DACH1: variants seen among roughly 807,000 people sequenced by gnomAD.
DACH1 encodes dachshund family transcription factor 1.
Under a neutral mutation model 54.2 loss-of-function variants are expected in DACH1, and 12 were observed. That is an observed-to-expected ratio of 0.22 (90% confidence interval 0.14 to 0.36). The LOEUF is 0.36. Among genes scored for constraint, DACH1 ranks in the 10% least tolerant of loss-of-function variants. DACH1 has a pLI of 1.00. For missense variants in DACH1, 805 were observed against 929.8 expected, an observed-to-expected ratio of 0.87 and a Z score of 1.75; for synonymous variants, 386 against 366.2, an observed-to-expected ratio of 1.05 and a Z score of -0.62.
chr13:71,463,829 T>C (rs1014053984), intron 10 of DACH1, among the ~76,000 whole-genome samples: 2 of 151,974 alleles, frequency 1.3e-5, no homozygotes, highest in African/African-American at 4.8e-5. Flanking sequence ...ACTTCCAGGC[T>C]CTCTCCTTCC....
chr13:71,490,661 G>A (rs547346723), intron 6 of DACH1, among the ~76,000 whole-genome samples: 2 of 152,204 alleles, frequency 1.3e-5, no homozygotes, highest in Non-Finnish European at 2.9e-5. Context: ...CAGGGGCAGG[G>A]ATGCTGCATG....
At chr13:71,715,339 T>G (rs1310560160) in intron 1 of DACH1, among the ~76,000 whole-genome samples, 1 of 152,016 alleles carries the variant, frequency 6.6e-6, no homozygotes, top group Non-Finnish European at 1.5e-5. Context: ...CTATAGCCAA[T>G]AAAACTTAAA....
At chr13:71,614,662 T>C (rs1419995941) in intron 3 of DACH1, among the ~76,000 whole-genome samples, 1 of 152,002 alleles carries the variant, frequency 6.6e-6, no homozygotes, top group Non-Finnish European at 1.5e-5. Flanking sequence ...CAGATCATCC[T>C]GGGGAACACA....
Position 71,622,604 on chromosome 13 carries a change from A to G in DACH1, c.1126+7952T>C, listed in dbSNP as rs116108691. Among the ~76,000 whole-genome samples the G allele has an allele frequency of 5.3e-3, 808 of 151,934 alleles. 7 individuals are homozygous for G. The highest frequency in any genetic ancestry group is 0.018 in the African/African-American group (748 of 41,512). ...TACTTTCTTTACAAACTTTACGTAA[A>G]CAGTATAGCATGTTTTTGTAGGTTG... is the stretch of plus-strand genomic sequence containing the variant. On this transcript the variant is annotated intron_variant, in intron 3 of 10. Transcript: ENST00000613252.
At chr13:71,521,416 G>T (rs1881589422) in intron 6 of DACH1, among the ~76,000 whole-genome samples, 1 of 151,898 alleles carries the variant, frequency 6.6e-6, no homozygotes, top group Non-Finnish European at 1.5e-5. Context: ...ATATATGTAG[G>T]TTTAACATAG....
intron 2 of DACH1, among the ~76,000 whole-genome samples, chr13:71,632,131 AG>A (rs1262141561): frequency 1.6e-4 from 25 of 152,116 alleles, no homozygotes; most frequent in African/African-American, 5.3e-4. Context: ...GAAAAGAAAA[AG>A]ACAAAAAAAA....
intron 1 of DACH1, among the ~76,000 whole-genome samples, chr13:71,719,407 T>C (rs1883128795): frequency 6.6e-6 from 1 of 152,156 alleles, no homozygotes. Context: ...TCAGCCTCTT[T>C]ACAAACTTAA....
At chr13:71,492,874 C>T (rs894295622) in intron 6 of DACH1, among the ~76,000 whole-genome samples, 2 of 151,898 alleles carry the variant, frequency 1.3e-5, no homozygotes. Context: ...CACACTCTTA[C>T]ATAAACACAG....
intron 10 of DACH1, among the ~76,000 whole-genome samples, chr13:71,471,795 A>G (rs1467234708): frequency 1.3e-5 from 2 of 152,084 alleles, no homozygotes; most frequent in Non-Finnish European, 2.9e-5. Context: ...AAACTATGAA[A>G]GTAGATGCTG....
chr13:71,510,399 A>T (rs547783115), intron 6 of DACH1, among the ~76,000 whole-genome samples: 28 of 151,210 alleles, frequency 1.9e-4, no homozygotes, highest in South Asian at 8.3e-4. Context: ...TAGATATCCT[A>T]AAAAAAATGT....
At position 71,440,513 on chromosome 13, in the gene DACH1, T is replaced by A; in HGVS notation, c.*142A>T. 1.2e-5 allele frequency: 7 copies of A among 579,200 alleles called. No homozygotes were observed. The highest frequency in any genetic ancestry group is 5.9e-6 in the Non-Finnish European group (2 of 337,500). The allele number at this position is 579,200 out of a possible 1,614,324, so 35.9% of individuals were successfully genotyped here. ...GAAAACTTTTTTTTTTTTTGTAGAA[T>A]ACTTAAACTTTTAAAGAACATTAAT... On this transcript the variant is annotated 3_prime_UTR_variant, in exon 11 of 11. Coordinates refer to ENST00000613252, the MANE Select transcript of DACH1 (RefSeq NM_080759.6).
At chr13:71,653,172 T>C (rs1878806047) in intron 2 of DACH1, among the ~76,000 whole-genome samples, 1 of 152,158 alleles carries the variant, frequency 6.6e-6, no homozygotes, top group African/African-American at 2.4e-5. Flanking sequence ...TTCATCCCCA[T>C]TTCCCAAATC....
Position 71,716,950 on chromosome 13 carries a change from C to T in DACH1, c.849-35040G>A, listed in dbSNP as rs546963357. 1.7e-3 allele frequency among the ~76,000 whole-genome samples: 256 copies of T among 152,244 alleles called. 1 individual carries two copies. The highest frequency in any genetic ancestry group is 5.8e-3 in the African/African-American group (241 of 41,566). On this transcript the variant is annotated intron_variant, in intron 1 of 10. Coordinates refer to ENST00000613252, the MANE Select transcript of DACH1 (RefSeq NM_080759.6). ...TCATCCAGGTTTTAAGCCTTGCATG[C>T]ATTAGGTAATTAACTATTTTTTTAA... is the stretch of plus-strand genomic sequence containing the variant.
At chr13:71,768,417 GC>G (rs1885724966) in intron 1 of DACH1, among the ~76,000 whole-genome samples, 2 of 151,940 alleles carry the variant, frequency 1.3e-5, no homozygotes, top group South Asian at 4.1e-4. Context: ...CTTACAGATT[GC>G]CTTTCTTTTC....
intron 1 of DACH1, among the ~76,000 whole-genome samples, chr13:71,800,229 C>T (rs996897596): frequency 1.3e-5 from 2 of 152,052 alleles, no homozygotes; most frequent in African/African-American, 4.8e-5. Flanking sequence ...TTTCTAAGAA[C>T]AACATCTGAG....
intron 3 of DACH1, among the ~76,000 whole-genome samples, chr13:71,590,381 T>C (rs149197555): frequency 7.2e-4 from 110 of 152,224 alleles, no homozygotes; most frequent in Non-Finnish European, 1.4e-3. Context: ...TTTGACAAGG[T>C]AGATGGGAAT....
intron 1 of DACH1, among the ~76,000 whole-genome samples, chr13:71,760,627 C>G (rs749575606): frequency 2.6e-5 from 4 of 152,192 alleles, no homozygotes; most frequent in Non-Finnish European, 5.9e-5. Context: ...GGAAAGGACA[C>G]AGCCTTGTCT....
At chr13:71,775,074 C>T (rs1477812246) in intron 1 of DACH1, among the ~76,000 whole-genome samples, 2 of 142,464 alleles carry the variant, frequency 1.4e-5, no homozygotes, top group African/African-American at 2.6e-5. Context: ...CTCTTGAGGC[C>T]AGAAGTTCGA....
chr13:71,643,466 C>T (rs1408343132), intron 2 of DACH1, among the ~76,000 whole-genome samples: 1 of 152,186 alleles, frequency 6.6e-6, no homozygotes, highest in Non-Finnish European at 1.5e-5. Context: ...CTTTAAACAG[C>T]ATTCATCTTT....
Sources: allele counts gnomAD v4.1 joint callset (sites outside exome capture counted in the v4.1 genomes callset), GRCh38; gene constraint gnomAD v4.1.1; transcripts MANE v1.5; gene names NCBI Gene and HGNC (gene_info 2026-07-23, HGNC 2026-07-21).